The following SCN1A variants were observed in gnomAD, a reference collection of about 807,000 sequenced individuals.
The protein encoded by SCN1A is sodium channel protein type 1 subunit alpha.
In SCN1A, 13 loss-of-function variants were observed where a neutral mutation model predicts 193.7. The ratio of observed to expected loss-of-function variants is 0.07; its 90% CI spans 0.04 to 0.11. The LOEUF (loss-of-function observed/expected upper bound fraction) is 0.11, where lower values mean the gene tolerates loss of function less well. Among genes scored for constraint, SCN1A ranks in the 10% least tolerant of loss-of-function variants. The pLI is 1.00. For synonymous variants in SCN1A, 781 were observed against 843.6 expected (o/e 0.93, Z 1.29); for missense variants, 1,432 against 2,451.1 (o/e 0.58, Z 8.78).
rs1692268199 is a variant in SCN1A, at chr2:166,145,180, G to GGAGA, written c.-50+3866_-50+3867insTCTC. Among the ~76,000 whole-genome samples the GGAGA allele has an allele frequency of 2.4e-5, 2 of 83,534 alleles. 1 individual carries two copies. Among genetic ancestry groups the GGAGA allele is most frequent in the Non-Finnish European group, 4.6e-5 (2 of 43,820 alleles). 54.8% of individuals were successfully genotyped at this position (83,534 alleles called of 152,430 possible). A position where few individuals can be genotyped will look rare whatever the true frequency, so the allele number is the denominator to read the frequency against. On this transcript the variant is annotated intron_variant, in intron 1 of 26. Coordinates refer to the SCN1A transcript ENST00000635750. ...TTTTTTTTTTTTTTTTTTTGTGGGG[G>GGAGA]ACAGAGTCTCGCTCTGTCGTCCAGG...
At chr2:166,073,733 T>A in intron 3 of SCN1A, 63 bp from the exon 4 acceptor site, 1 of 1,211,308 alleles carries the variant, frequency 8.3e-7, no homozygotes. Context: ...ATAAATAAAT[T>A]CTTGTCATGA....
chr2:166,081,577 A>G (rs547383817), intron 2 of SCN1A: 1 of 152,104 alleles, frequency 6.6e-6, no homozygotes, highest in South Asian at 2.1e-4. Context: ...CCTGAGAAAG[A>G]TGAATGAAAT....
At chr2:166,063,150 T>G (rs1338473925) in intron 4 of SCN1A, among the ~76,000 whole-genome samples, 1 of 152,250 alleles carries the variant, frequency 6.6e-6, no homozygotes, top group African/African-American at 2.4e-5. Context: ...ATGCTTTAAT[T>G]GCAGTTCTAC....
intron 5 of SCN1A, among the ~76,000 whole-genome samples, chr2:166,057,102 T>A (rs1409240454): frequency 6.6e-6 from 1 of 152,046 alleles, no homozygotes; most frequent in Non-Finnish European, 1.5e-5. Flanking sequence ...CTTAACATGA[T>A]GGGAATGTAA....
chr2:166,054,488 A>T (rs1698923447), intron 7 of SCN1A, 150 bp downstream of exon 7: 1 of 789,172 alleles, frequency 1.3e-6, no homozygotes, highest in South Asian at 1.7e-5. Flanking sequence ...TTCCACTTAG[A>T]CCTTTGTTGT....
chr2:166,047,849 C>G, intron 10 of SCN1A, 81 bp from the exon 11 acceptor site: 1 of 1,561,678 alleles, frequency 6.4e-7, no homozygotes, highest in Non-Finnish European at 8.8e-7. Flanking sequence ...ATTGCCTAGT[C>G]AGAAAGATTT....
At chr2:166,068,472 G>T (rs1684072670) in intron 4 of SCN1A, among the ~76,000 whole-genome samples, 1 of 152,158 alleles carries the variant, frequency 6.6e-6, no homozygotes, top group African/African-American at 2.4e-5. Context: ...TAGTTTTACA[G>T]GAGCTGATGA....
intron 1 of SCN1A, among the ~76,000 whole-genome samples, chr2:166,146,605 C>T (rs112722461): frequency 8.5e-5 from 13 of 152,108 alleles, no homozygotes; most frequent in East Asian, 3.9e-4. Flanking sequence ...GACCCCACAG[C>T]GAAGAATATC....
intron 1 of SCN1A, among the ~76,000 whole-genome samples, chr2:166,143,307 C>T (rs1012064407): frequency 2.2e-4 from 34 of 151,840 alleles, no homozygotes; most frequent in Non-Finnish European, 4.7e-4. Flanking sequence ...GCTGGGACTA[C>T]AGGCGCCTGC....
rs752256219 is a variant in SCN1A at position 166,046,796 on chromosome 2, G to C, written c.1351C>G (p.Leu451Val). ...TGAGCTGCCTCCTGTTGCTTTTTAAGCTGTTCAATCATCTGCTGAAATTCG... is the reference window on the plus strand; with the variant it reads ...TGAGCTGCCTCCTGTTGCTTTTTAACCTGTTCAATCATCTGCTGAAATTCG... ...EAEFQQMIEQ[L>V]KKQQEAAQQA... Residue 451 changes from leucine (L) to valine (V), a missense_variant, in exon 12 of 29, where the codon CTT (leucine) becomes GTT (valine). Physicochemically the swap from Leu to Val is conservative, Grantham distance 32. Around this residue, in one of 18 missense-constraint regions of SCN1A, gnomAD observed 58 missense variants for 103.4 expected, o/e 0.56. Coordinates refer to ENST00000674923, the MANE Select transcript of SCN1A (RefSeq NM_001165963.4). The C allele has an allele frequency of 1.2e-6, 2 of 1,613,698 alleles. No individual in the cohort carries two copies. The highest frequency in any genetic ancestry group is 4.5e-5 in the East Asian group (2 of 44,864).
chr2:166,031,741 T>A (rs1180433922), intron 19 of SCN1A, among the ~76,000 whole-genome samples: 14 of 152,126 alleles, frequency 9.2e-5, no homozygotes, highest in Admixed American at 9.2e-4. Context: ...TATTCTATAT[T>A]AATTAGGCAC....
At chr2:166,119,860 T>C (rs896368584) in intron 2 of SCN1A, among the ~76,000 whole-genome samples, 2 of 152,110 alleles carry the variant, frequency 1.3e-5, no homozygotes, top group Non-Finnish European at 2.9e-5. Context: ...TTGCATGAAA[T>C]AGATTACTAA....
At chr2:165,996,675 T>C (rs951570512) in intron 26 of SCN1A, among the ~76,000 whole-genome samples, 8 of 151,258 alleles carry the variant, frequency 5.3e-5, no homozygotes, top group African/African-American at 1.9e-4. Context: ...GACAGACCAG[T>C]AGGGATAGAA....
rs940644303 is a variant in SCN1A, at chr2:166,015,460, G to GT, written c.3550+146dup. ...ATCAAAGCATGACACTAGACTTTAA[G>GT]TTTTTTTGTCTGTCAACATATTAGA... is the stretch of plus-strand genomic sequence containing the variant. On this transcript the variant is annotated intron_variant, in intron 20 of 28. Coordinates refer to ENST00000674923, the MANE Select transcript of SCN1A (RefSeq NM_001165963.4). 3 of 947,324 alleles carry GT rather than the reference G, an allele frequency of 3.2e-6. No homozygotes were observed. The African/African-American group carries it at 4.9e-5, about 16-fold the overall frequency. The allele number at this position is 947,324 out of a possible 1,614,324, so 58.7% of individuals were successfully genotyped here.
chr2:166,057,740 TA>T (rs1328964362), intron 5 of SCN1A, among the ~76,000 whole-genome samples: 4 of 151,788 alleles, frequency 2.6e-5, no homozygotes, highest in Admixed American at 6.6e-5. Flanking sequence ...TAGAATCCTT[TA>T]AAAAAAAGTA....
At chr2:166,028,950 C>T (rs1029206878) in intron 19 of SCN1A, among the ~76,000 whole-genome samples, 20 of 152,128 alleles carry the variant, frequency 1.3e-4, no homozygotes, top group African/African-American at 4.6e-4. Flanking sequence ...AATAAAGTGA[C>T]ATTTGGGACA....
In SCN1A at chr2:166,120,655, C is replaced by T. The variant is rs552111116; in HGVS notation, c.-142+6269G>A. 2.2e-5 allele frequency among the ~76,000 whole-genome samples: 3 copies of T among 136,706 alleles called. No homozygotes were observed. In the South Asian group the frequency reaches 7.2e-4, roughly 33 times the overall value. 89.7% of individuals were successfully genotyped at this position (136,706 alleles called of 152,430 possible). ...AGAGTCTTGCTCTGTCATCCAGACG[C>T]CAGGCCGGAGTGCAGTGGCATGATC... On this transcript the variant is annotated intron_variant, in intron 2 of 28. Coordinates refer to ENST00000674923, the MANE Select transcript of SCN1A (RefSeq NM_001165963.4).
Position 165,991,341 on chromosome 2 carries a change from G to A in SCN1A, c.5934C>T (p.Ser1978=). ...CATAGGAAGGTGGACAAGCTGCAGT[G>A]GACATGGTCAGATCAGTTTTTTCTG... The part of the protein sequence containing the change: ...SITEKTDLTM[S]TAACPPSYDR... Residue 1978 remains serine (S), a synonymous_variant, in exon 29 of 29, where the codon TCC becomes TCT. Coordinates refer to ENST00000674923, the MANE Select transcript of SCN1A (RefSeq NM_001165963.4). 1 of 1,613,268 alleles carries A rather than the reference G, an allele frequency of 6.2e-7. No individual in the cohort carries two copies. Among genetic ancestry groups the A allele is most frequent in the East Asian group, 2.2e-5 (1 of 44,852 alleles).
intron 2 of SCN1A, among the ~76,000 whole-genome samples, chr2:166,091,539 A>G (rs1466676204): frequency 2.0e-5 from 3 of 152,196 alleles, no homozygotes; most frequent in Non-Finnish European, 4.4e-5. Flanking sequence ...CAGGGGTTAA[A>G]TAGCATGGGT....
Sources: gnomAD v4.1 joint callset for allele counts (sites outside exome capture counted in the v4.1 genomes callset) on GRCh38, gnomAD v4.1.1 for gene constraint, gnomAD v4.1.1 regional missense constraint, MANE v1.5 for transcripts, NCBI Gene and HGNC (gene_info 2026-07-23, HGNC 2026-07-21) for gene names.